The following FSTL5 variants were observed in gnomAD, a reference collection of about 807,000 sequenced individuals.
FSTL5 encodes follistatin like 5.
Under a neutral mutation model 89.1 loss-of-function variants are expected in FSTL5, and 62 were observed. That is an observed-to-expected ratio of 0.70 (90% CI 0.57 to 0.86). FSTL5 has a LOEUF of 0.86. Among genes scored for constraint, FSTL5 ranks in the 40% least tolerant of loss-of-function variants. FSTL5 has a pLI of 0.00. For missense variants in FSTL5, 1,057 were observed against 1,001.6 expected, an observed-to-expected ratio of 1.06 and a Z score of -0.75; for synonymous variants, 383 against 346.2, an observed-to-expected ratio of 1.11 and a Z score of -1.18.
At chr4:161,799,025 A>G (rs1195932334) in intron 4 of FSTL5, among the ~76,000 whole-genome samples, 3 of 151,698 alleles carry the variant, frequency 2.0e-5, no homozygotes, top group African/African-American at 7.2e-5. Flanking sequence ...TATTAAGACT[A>G]CTTATTATTA....
chr4:161,537,720 C>T (rs1402091694), intron 10 of FSTL5, among the ~76,000 whole-genome samples: 1 of 152,114 alleles, frequency 6.6e-6, no homozygotes, highest in Non-Finnish European at 1.5e-5. Context: ...ACCACTGAAC[C>T]TTCTGTAGAG....
intron 15 of FSTL5, chr4:161,387,941 T>C (rs1578935090): frequency 6.6e-6 from 1 of 152,016 alleles, no homozygotes; most frequent in African/African-American, 2.4e-5. Context: ...TTCTTAAATA[T>C]TTGTTAAACA....
chr4:161,417,775 T>G (rs1731838869), intron 15 of FSTL5, among the ~76,000 whole-genome samples: 1 of 152,198 alleles, frequency 6.6e-6, no homozygotes, highest in Non-Finnish European at 1.5e-5. Context: ...TTGCACATAC[T>G]TCCACGTTTG....
chr4:161,442,193 T>G (rs1732797402), intron 15 of FSTL5, among the ~76,000 whole-genome samples: 1 of 151,418 alleles, frequency 6.6e-6, no homozygotes, highest in Non-Finnish European at 1.5e-5. Flanking sequence ...AAAACCACCT[T>G]CAGTTTGGTG....
rs534442178 is a variant in FSTL5 at position 161,938,639 on chromosome 4, A to AAAT, written c.161-17990_161-17988dup. ...GAATAGTAAAATTTCCAAAGCTGAA[A>AAAT]AATAATAAACTGGTCAAATAATGCA... is the stretch of plus-strand genomic sequence containing the variant. On this transcript the variant is annotated intron_variant, in intron 3 of 15. Coordinates refer to ENST00000306100, the MANE Select transcript of FSTL5 (RefSeq NM_020116.5). 3.5e-4 allele frequency among the ~76,000 whole-genome samples: 53 copies of AAAT among 152,204 alleles called. 1 individual carries two copies. Among genetic ancestry groups the AAAT allele is most frequent in the African/African-American group, 1.2e-3 (51 of 41,558 alleles).
intron 11 of FSTL5, among the ~76,000 whole-genome samples, chr4:161,500,578 T>G (rs4234941): frequency 0.25 from 38,172 of 151,996 alleles, 5,199 homozygotes; most frequent in South Asian, 0.34. Context: ...TAAAGATTTT[T>G]AGGAAGAAAA....
intron 15 of FSTL5, among the ~76,000 whole-genome samples, chr4:161,452,244 G>A (rs374174309): frequency 6.6e-6 from 1 of 152,322 alleles, no homozygotes; most frequent in East Asian, 1.9e-4. Context: ...GGGAGGCCAA[G>A]GTGGGTGGAT....
In FSTL5 at chr4:162,029,906, C is replaced by CT. The variant is rs67266989; in HGVS notation, c.160+3718dup. ...TGGCAATATTGATCTAAATTATTTC[C>CT]TTTTTTTTTTTTTTTTTTTTTAAGA... On this transcript the variant is annotated intron_variant, in intron 3 of 15. Coordinates refer to ENST00000306100, the MANE Select transcript of FSTL5 (RefSeq NM_020116.5). Among the ~76,000 whole-genome samples, 809 of 144,108 alleles carry CT rather than the reference C, an allele frequency of 5.6e-3. 5 individuals carry two copies. The highest frequency in any genetic ancestry group is 0.019 in the African/African-American group (750 of 39,570). The allele number at this position is 144,108 out of a possible 152,430, so 94.5% of individuals were successfully genotyped here. A position where few individuals can be genotyped will look rare whatever the true frequency, so the allele number is the denominator to read the frequency against.
chr4:161,720,248 A>T (rs1213437126), intron 6 of FSTL5, among the ~76,000 whole-genome samples: 1 of 151,808 alleles, frequency 6.6e-6, no homozygotes, highest in Admixed American at 6.6e-5. Flanking sequence ...CAAATAGCGT[A>T]CAGATACATG....
chr4:162,029,743 C>A (rs1737445181), intron 3 of FSTL5, among the ~76,000 whole-genome samples: 1 of 151,834 alleles, frequency 6.6e-6, no homozygotes, highest in Admixed American at 6.6e-5. Flanking sequence ...TTAAAGGAAA[C>A]TAACACATAA....
chr4:161,850,054 A>G (rs538235425), intron 4 of FSTL5, among the ~76,000 whole-genome samples: 1 of 152,276 alleles, frequency 6.6e-6, no homozygotes, highest in East Asian at 1.9e-4. Flanking sequence ...TGCATGAAAG[A>G]TGGTACAGTA....
intron 4 of FSTL5, among the ~76,000 whole-genome samples, chr4:161,812,079 T>C (rs181588879): frequency 6.6e-6 from 1 of 152,332 alleles, no homozygotes; most frequent in African/African-American, 2.4e-5. Flanking sequence ...CCTCTGTTTT[T>C]ATATTAAAGT....
At chr4:161,935,483 T>C (rs1193664490) in intron 3 of FSTL5, among the ~76,000 whole-genome samples, 3 of 152,128 alleles carry the variant, frequency 2.0e-5, no homozygotes, top group Non-Finnish European at 4.4e-5. Flanking sequence ...AAGTTAGTGT[T>C]AATTGAATGC....
At chr4:161,551,123 G>A in intron 8 of FSTL5, among the ~76,000 whole-genome samples, 1 of 151,688 alleles carries the variant, frequency 6.6e-6, no homozygotes, top group Admixed American at 6.6e-5. Context: ...TGGGTCAAAT[G>A]GTATTTCTAG....
At chr4:161,988,831 G>C (rs1445614580) in intron 3 of FSTL5, among the ~76,000 whole-genome samples, 1 of 152,084 alleles carries the variant, frequency 6.6e-6, no homozygotes, top group Non-Finnish European at 1.5e-5. Flanking sequence ...TGAATCATTA[G>C]AGGATTTTCA....
chr4:161,779,648 C>G (rs1741546620), intron 4 of FSTL5, among the ~76,000 whole-genome samples: 2 of 150,892 alleles, frequency 1.3e-5, no homozygotes, highest in Non-Finnish European at 3.0e-5. Context: ...TATCCACTAA[C>G]TTTATTTCTC....
intron 2 of FSTL5, among the ~76,000 whole-genome samples, chr4:162,047,192 GAC>G (rs1338752515): frequency 6.6e-6 from 1 of 151,968 alleles, no homozygotes; most frequent in Non-Finnish European, 1.5e-5. Flanking sequence ...TCTCAGTACA[GAC>G]ACACAACCTG....
intron 4 of FSTL5, among the ~76,000 whole-genome samples, chr4:161,872,705 A>T (rs1013677032): frequency 1.3e-5 from 2 of 152,202 alleles, no homozygotes; most frequent in Admixed American, 6.5e-5. Flanking sequence ...AAGGGCTGAG[A>T]CCAGCTTAGT....
At chr4:161,463,500 T>C (rs1354398488) in intron 13 of FSTL5, among the ~76,000 whole-genome samples, 1 of 152,168 alleles carries the variant, frequency 6.6e-6, no homozygotes, top group Non-Finnish European at 1.5e-5. Flanking sequence ...AATGACTATC[T>C]TCAGGATAAT....
Sources: gnomAD v4.1 joint callset for allele counts (sites outside exome capture counted in the v4.1 genomes callset) on GRCh38, gnomAD v4.1.1 for gene constraint, MANE v1.5 for transcripts, NCBI Gene and HGNC (gene_info 2026-07-23, HGNC 2026-07-21) for gene names.